IL1RAPL1: variants seen among roughly 807,000 people sequenced by gnomAD.
IL1RAPL1 encodes interleukin 1 receptor accessory protein like 1.
In IL1RAPL1, 3 loss-of-function variants were observed where a neutral mutation model predicts 48.4. The ratio of observed to expected loss-of-function variants is 0.06; its 90% CI spans 0.03 to 0.16. The LOEUF is 0.16. Ranked by LOEUF, IL1RAPL1 falls within the 10% of genes least tolerant of loss-of-function variation. The probability of loss-of-function intolerance (pLI) is 1.00; values close to 1 mark genes in which losing one functional copy is unlikely to be tolerated. For missense variants in IL1RAPL1, 349 were observed against 530.6 expected (o/e 0.66, Z 3.36); for synonymous variants, 185 against 187.7 (o/e 0.99, Z 0.12).
At chrX:29,024,423 C>T (rs1237217179) in intron 2 of IL1RAPL1, among the ~76,000 whole-genome samples, 3 of 111,690 alleles carry the variant, frequency 2.7e-5, no homozygotes, top group Admixed American at 9.5e-5. Context: ...ATTTTAGCCA[C>T]CAATTGCATT....
intron 6 of IL1RAPL1, among the ~76,000 whole-genome samples, chrX:29,862,402 G>A (rs1021822082): frequency 2.7e-5 from 3 of 111,440 alleles, no homozygotes; most frequent in African/African-American, 6.5e-5. Flanking sequence ...GCTGCAGTTG[G>A]TTATAAAAAC....
intron 6 of IL1RAPL1, among the ~76,000 whole-genome samples, chrX:29,822,863 T>C (rs1267275209): frequency 8.9e-6 from 1 of 112,051 alleles, no homozygotes; most frequent in Non-Finnish European, 1.9e-5. Context: ...GGATGGTTCC[T>C]ATATTTATAT....
At chrX:29,250,918 A>G (rs1931593804) in intron 2 of IL1RAPL1, among the ~76,000 whole-genome samples, 1 of 111,589 alleles carries the variant, frequency 9.0e-6, no homozygotes, top group Non-Finnish European at 1.9e-5. Context: ...AGCCACCTCA[A>G]TCCCATCTCA....
intron 1 of IL1RAPL1, among the ~76,000 whole-genome samples, chrX:28,717,719 G>A (rs888987492): frequency 2.7e-5 from 3 of 111,163 alleles, no homozygotes; most frequent in South Asian, 3.7e-4. Context: ...ATTGAGATTC[G>A]AAGTGGGGAG....
intron 1 of IL1RAPL1, among the ~76,000 whole-genome samples, chrX:28,648,836 C>G (rs1050005995): frequency 9.0e-6 from 1 of 111,657 alleles, no homozygotes; most frequent in Admixed American, 9.6e-5. Context: ...CTTGCTTCAG[C>G]CAGAAACTCA....
chrX:28,728,644 G>A (rs1425994400), intron 1 of IL1RAPL1, among the ~76,000 whole-genome samples: 1 of 111,884 alleles, frequency 8.9e-6, no homozygotes, highest in Non-Finnish European at 1.9e-5. Flanking sequence ...ACAATATTCT[G>A]TAATATTTGC....
intron 6 of IL1RAPL1, among the ~76,000 whole-genome samples, chrX:29,691,506 C>T: frequency 9.1e-6 from 1 of 110,411 alleles, no homozygotes. Flanking sequence ...AGTAACGGGA[C>T]CATAATAAAG....
At chrX:28,779,630 G>GTATATATGTA (rs55850528) in intron 1 of IL1RAPL1, among the ~76,000 whole-genome samples, 2 of 61,194 alleles carry the variant, frequency 3.3e-5, no homozygotes, top group Non-Finnish European at 5.9e-5. Context: ...GTGTGTGTGT[G>GTATATATGTA]TGTGTATATA....
At chrX:29,079,434 C>T (rs1261417044) in intron 2 of IL1RAPL1, among the ~76,000 whole-genome samples, 2 of 110,103 alleles carry the variant, frequency 1.8e-5, no homozygotes, top group Non-Finnish European at 1.9e-5. Flanking sequence ...TTCACTTTTC[C>T]GGGGGACACC....
chrX:29,863,932 G>T (rs1421977823), intron 6 of IL1RAPL1, among the ~76,000 whole-genome samples: 4 of 111,503 alleles, frequency 3.6e-5, no homozygotes, highest in Admixed American at 2.8e-4. Flanking sequence ...GATTACAGGC[G>T]TGTGCCACCA....
intron 5 of IL1RAPL1, among the ~76,000 whole-genome samples, chrX:29,445,163 G>A (rs1014486158): frequency 8.9e-6 from 1 of 112,223 alleles, no homozygotes; most frequent in South Asian, 3.7e-4. Flanking sequence ...TGGAAAATCC[G>A]TTTAAAAGTA....
chrX:28,829,368 G>A (rs7066137), intron 2 of IL1RAPL1, among the ~76,000 whole-genome samples: 10,414 of 109,543 alleles, frequency 0.095, 1,039 homozygotes, highest in African/African-American at 0.28. Context: ...CTTGGCTAAC[G>A]TCTCTGGTAC....
At chrX:29,172,732 A>C (rs2147514140) in intron 2 of IL1RAPL1, among the ~76,000 whole-genome samples, 1 of 112,042 alleles carries the variant, frequency 8.9e-6, no homozygotes. Context: ...GGTCTAATGA[A>C]GTTTAATGAG....
At position 29,456,457 on chromosome X, in the gene IL1RAPL1, T is replaced by C. The variant is rs374962975; in HGVS notation, c.703+57149T>C. Among the ~76,000 whole-genome samples the C allele has an allele frequency of 3.6e-5, 4 of 111,856 alleles. No homozygotes were observed. In the East Asian group the frequency reaches 8.4e-4, roughly 24 times the overall value. On this transcript the variant is annotated intron_variant, in intron 5 of 10. Coordinates refer to ENST00000378993, the MANE Select transcript of IL1RAPL1 (RefSeq NM_014271.4). ...AAGACTTTTGTTGAAAGGAACGTTG[T>C]TTACTTGGAAGTGTTCCAGTAGGCA...
chrX:29,259,688 AAAATATAGTC>A (rs11280067), intron 2 of IL1RAPL1, among the ~76,000 whole-genome samples: 4,386 of 111,829 alleles, frequency 0.039, 227 homozygotes, highest in African/African-American at 0.14. Context: ...TCTATATATT[AAAATATAGTC>A]AAATATTTAA....
chrX:29,482,735 G>A lies in IL1RAPL1; in HGVS notation c.703+83427G>A, dbSNP rs761663536. 1.5e-4 allele frequency among the ~76,000 whole-genome samples: 17 copies of A among 111,296 alleles called. No homozygotes were observed. In the South Asian group the frequency reaches 4.2e-3, roughly 27 times the overall value. ...TATAATACATTTCAACTTTTATTAC[G>A]GGACTTTCCAAACATACAAAGGTAG... On this transcript the variant is annotated intron_variant, in intron 5 of 10. Transcript: ENST00000378993.
chrX:29,754,631 G>A (rs1489369509), intron 6 of IL1RAPL1, among the ~76,000 whole-genome samples: 1 of 112,096 alleles, frequency 8.9e-6, no homozygotes, highest in Non-Finnish European at 1.9e-5. Context: ...CATATGTTGA[G>A]CCTCCTTTCC....
chrX:29,612,464 A>G (rs1163720304), intron 5 of IL1RAPL1, among the ~76,000 whole-genome samples: 1 of 110,156 alleles, frequency 9.1e-6, no homozygotes, highest in African/African-American at 3.3e-5. Context: ...AGGAGAAAGG[A>G]TAACTGTCTT....
chrX:29,812,090 G>T (rs2147178335), intron 6 of IL1RAPL1, among the ~76,000 whole-genome samples: 1 of 112,036 alleles, frequency 8.9e-6, no homozygotes, highest in East Asian at 2.8e-4. Context: ...TAGACAGATT[G>T]TGAAATATAT....
Sources: gnomAD v4.1 joint callset for allele counts (sites outside exome capture counted in the v4.1 genomes callset) on GRCh38, gnomAD v4.1.1 for gene constraint, MANE v1.5 for transcripts, NCBI Gene and HGNC (gene_info 2026-07-23, HGNC 2026-07-21) for gene names.